Variants in GABRA2 observed in about 807,000 individuals in gnomAD.
GABRA2 encodes gamma-aminobutyric acid type A receptor subunit alpha2, also known as gamma-aminobutyric acid receptor subunit alpha-2.
A neutral mutation model predicts 48.7 loss-of-function variants in GABRA2; 16 were observed. The observed-to-expected ratio is 0.33, with a 90% confidence interval of 0.22 to 0.50. GABRA2 has a LOEUF of 0.50. Ranked by LOEUF, GABRA2 falls within the 20% of genes least tolerant of loss-of-function variation. The probability of loss-of-function intolerance (pLI) is 0.98; values close to 1 mark genes in which losing one functional copy is unlikely to be tolerated. For missense variants in GABRA2, 275 were observed against 535.6 expected, an observed-to-expected ratio of 0.51 and a Z score of 4.80; for synonymous variants, 185 against 184.5, an observed-to-expected ratio of 1.00 and a Z score of -0.02.
intron 3 of GABRA2, chr4:46,369,083 G>A (rs1714490237): frequency 1.5e-6 from 1 of 677,126 alleles, no homozygotes; most frequent in South Asian, 1.5e-5. Flanking sequence ...TTAGAAATCT[G>A]GCAATATGGG....
intron 4 of GABRA2, among the ~76,000 whole-genome samples, chr4:46,325,614 A>G (rs1730221230): frequency 6.6e-6 from 1 of 151,864 alleles, no homozygotes; most frequent in African/African-American, 2.4e-5. Context: ...TTTTTGTTAT[A>G]ATTGCTTTCA....
chr4:46,335,933 A>C (rs1214411867), intron 3 of GABRA2, among the ~76,000 whole-genome samples: 1 of 152,062 alleles, frequency 6.6e-6, no homozygotes, highest in Non-Finnish European at 1.5e-5. Flanking sequence ...ATGTAATGTA[A>C]GCCCTCTTCT....
At chr4:46,273,472 TATATATATATG>T (rs1719787977) in intron 8 of GABRA2, among the ~76,000 whole-genome samples, 1 of 33,946 alleles carries the variant, frequency 2.9e-5, no homozygotes. Flanking sequence ...TCATTGCATA[TATATATATATG>T]CATATATATA....
At chr4:46,273,841 G>A (rs935884343) in intron 8 of GABRA2, among the ~76,000 whole-genome samples, 1 of 151,946 alleles carries the variant, frequency 6.6e-6, no homozygotes, top group African/African-American at 2.4e-5. Flanking sequence ...TCCAGCAAAC[G>A]GAAAGTGGAA....
intron 4 of GABRA2, among the ~76,000 whole-genome samples, chr4:46,327,639 C>T (rs1730618235): frequency 6.6e-6 from 1 of 152,004 alleles, no homozygotes; most frequent in Admixed American, 6.6e-5. Context: ...GATATTAAAA[C>T]TCACAACTCT....
intron 3 of GABRA2, among the ~76,000 whole-genome samples, chr4:46,378,392 A>G (rs911716958): frequency 2.8e-4 from 43 of 151,658 alleles, no homozygotes; most frequent in South Asian, 8.4e-4. Context: ...CATGTGCTGT[A>G]TCCACTCAGG....
chr4:46,366,395 G>T (rs567273091), intron 3 of GABRA2: 3 of 152,088 alleles, frequency 2.0e-5, no homozygotes, highest in Non-Finnish European at 2.9e-5. Context: ...AGATGCTAAT[G>T]ATTACACAAA....
chr4:46,268,942 A>G (rs562687400), intron 8 of GABRA2, among the ~76,000 whole-genome samples: 1 of 152,056 alleles, frequency 6.6e-6, no homozygotes, highest in South Asian at 2.1e-4. Flanking sequence ...CAAACACAGA[A>G]AGACAAAAAC....
intron 9 of GABRA2, among the ~76,000 whole-genome samples, chr4:46,253,110 T>C (rs1715129436): frequency 1.3e-5 from 2 of 151,596 alleles, no homozygotes; most frequent in Admixed American, 1.3e-4. Flanking sequence ...GACATTTATG[T>C]TGGATGAGGA....
At chr4:46,251,397 T>C (rs947396956) in intron 9 of GABRA2, among the ~76,000 whole-genome samples, 23 of 151,012 alleles carry the variant, frequency 1.5e-4, no homozygotes, top group Non-Finnish European at 3.0e-4. Context: ...AAAACAACAT[T>C]TTTTTTTACA....
At chr4:46,336,667 T>C (rs917627446) in intron 3 of GABRA2, among the ~76,000 whole-genome samples, 1 of 152,174 alleles carries the variant, frequency 6.6e-6, no homozygotes, top group Non-Finnish European at 1.5e-5. Flanking sequence ...GAAGAATGTA[T>C]AATCCTTAGA....
chr4:46,341,419 G>A (rs543241202), intron 3 of GABRA2, among the ~76,000 whole-genome samples: 1 of 152,168 alleles, frequency 6.6e-6, no homozygotes, highest in African/African-American at 2.4e-5. Flanking sequence ...GTGCATGTGT[G>A]TGTATGTTGC....
At chr4:46,300,274 T>C (rs375281898) in intron 8 of GABRA2, among the ~76,000 whole-genome samples, 10 of 152,062 alleles carry the variant, frequency 6.6e-5, no homozygotes, top group African/African-American at 2.4e-4. Flanking sequence ...TGGTATACAT[T>C]TGATATCATA....
intron 3 of GABRA2, among the ~76,000 whole-genome samples, chr4:46,356,312 A>G (rs1225512899): frequency 6.6e-6 from 1 of 151,716 alleles, no homozygotes; most frequent in African/African-American, 2.4e-5. Context: ...AAGCCAATCT[A>G]TCTGTCAATT....
rs770712148 is a variant in GABRA2 at position 46,244,961 on chromosome 4, CA to C, written c.*5346del. Among the ~76,000 whole-genome samples, 1 of 151,304 alleles carries C rather than the reference CA, an allele frequency of 6.6e-6. No individual in the cohort carries two copies. The highest frequency in any genetic ancestry group is 2.4e-5 in the African/African-American group (1 of 41,450). On this transcript the variant is annotated 3_prime_UTR_variant, in exon 10 of 10. Coordinates refer to ENST00000381620, the MANE Select transcript of GABRA2 (RefSeq NM_000807.4). The stretch of plus-strand genomic sequence containing the variant: ...GCTCCCTTATTGAATGAATATTCCC[CA>C]AAAGGCATGAATATAAATTTGAATT...
intron 3 of GABRA2, among the ~76,000 whole-genome samples, chr4:46,382,436 T>C (rs1310588991): frequency 6.6e-6 from 1 of 151,978 alleles, no homozygotes; most frequent in Admixed American, 6.6e-5. Flanking sequence ...GAAGCGATGT[T>C]AGCAAGAAGG....
intron 9 of GABRA2, among the ~76,000 whole-genome samples, chr4:46,254,590 C>T (rs1371432375): frequency 6.6e-6 from 1 of 151,080 alleles, no homozygotes; most frequent in African/African-American, 2.4e-5. Flanking sequence ...TTCCAGAAGC[C>T]GATTTTTAAA....
intron 2 of GABRA2, among the ~76,000 whole-genome samples, chr4:46,386,457 T>C (rs535758830): frequency 3.9e-5 from 6 of 152,332 alleles, no homozygotes; most frequent in Admixed American, 1.3e-4. Flanking sequence ...ATGTGGACTA[T>C]TCATTTTCTT....
intron 1 of GABRA2, 111 bp from the exon 2 acceptor site, chr4:46,388,827 A>G: frequency 1.3e-6 from 2 of 1,534,542 alleles, no homozygotes; most frequent in South Asian, 1.3e-5. Context: ...TGTTAAAGCT[A>G]TGGAGATTAC....
Sources: allele counts gnomAD v4.1 joint callset (sites outside exome capture counted in the v4.1 genomes callset), GRCh38; gene constraint gnomAD v4.1.1; transcripts MANE v1.5; gene names NCBI Gene and HGNC (gene_info 2026-07-23, HGNC 2026-07-21).